Variants in HSF2BP observed in about 807,000 individuals in gnomAD.
HSF2BP encodes heat shock factor 2-binding protein.
In HSF2BP, 35 loss-of-function variants were observed where a neutral mutation model predicts 35.0. The observed-to-expected ratio is 1.00, with a 90% CI of 0.76 to 1.32. The LOEUF is 1.32. Among genes scored for constraint, HSF2BP ranks in the 40% most tolerant of loss-of-function variants. HSF2BP has a pLI of 0.00. For missense variants in HSF2BP, 326 were observed against 321.7 expected (o/e 1.01, Z -0.10); for synonymous variants, 114 against 117.4 (o/e 0.97, Z 0.18).
chr21:43,583,809 G>A (rs2081803268), intron 8 of HSF2BP, among the ~76,000 whole-genome samples: 2 of 140,880 alleles, frequency 1.4e-5, no homozygotes, highest in Admixed American at 1.4e-4. Flanking sequence ...CCTGCTGAGA[G>A]AGATGAAGGG....
At chr21:43,585,550 CAG>C (rs1158815993) in intron 8 of HSF2BP, among the ~76,000 whole-genome samples, 1 of 151,442 alleles carries the variant, frequency 6.6e-6, no homozygotes, top group Admixed American at 6.6e-5. Flanking sequence ...GAGGCTGAGA[CAG>C]GGGAATCGCT....
chr21:43,600,287 G>A (rs892663522), intron 7 of HSF2BP, among the ~76,000 whole-genome samples: 1 of 151,994 alleles, frequency 6.6e-6, no homozygotes, highest in African/African-American at 2.4e-5. Context: ...GAATAAACAC[G>A]CCCAGTACTT....
At chr21:43,652,803 G>A (rs1237288234) in intron 3 of HSF2BP, among the ~76,000 whole-genome samples, 2 of 152,130 alleles carry the variant, frequency 1.3e-5, no homozygotes, top group Non-Finnish European at 2.9e-5. Context: ...GTTTCCTGGA[G>A]CACATGTGAG....
rs899460385 is a variant in HSF2BP at position 43,658,103 on chromosome 21, T to C, written c.-7A>G. The C allele has an allele frequency of 4.6e-6, 7 of 1,533,920 alleles. No homozygotes were observed. In the African/African-American group the frequency reaches 8.2e-5, roughly 18 times the overall value. ...CGGCGCCCGCTTCGCCCATGGCCGC[T>C]GCCGCCTCCGCTCCGTTCGCCTGAG... On this transcript the variant is annotated 5_prime_UTR_variant, in exon 2 of 9. Transcript: ENST00000291560.
At chr21:43,467,654 C>T in the HSF2BP span, among the ~76,000 whole-genome samples, 1 of 151,556 alleles carries the variant, frequency 6.6e-6, no homozygotes, top group Non-Finnish European at 1.5e-5. Flanking sequence ...AGCCCTTCCG[C>T]AAGGATGGGG....
intron 8 of HSF2BP, among the ~76,000 whole-genome samples, chr21:43,583,417 C>T (rs2081791041): frequency 1.7e-5 from 1 of 57,276 alleles, no homozygotes; most frequent in Non-Finnish European, 3.3e-5. Flanking sequence ...GAAGGGCCTG[C>T]TGAGGGAGAT....
chr21:43,581,822 C>CTGA (rs1555855484), intron 8 of HSF2BP, among the ~76,000 whole-genome samples: 1 of 133,200 alleles, frequency 7.5e-6, no homozygotes, highest in Non-Finnish European at 1.6e-5. Flanking sequence ...GTCTGTGCTG[C>CTGA]GGGAGATGAG....
At position 43,588,991 on chromosome 21, in the gene HSF2BP, TACAG is replaced by T. The variant is rs2081892863; in HGVS notation, c.796+3230_796+3233del. 2.6e-5 allele frequency among the ~76,000 whole-genome samples: 4 copies of T among 152,282 alleles called. No homozygotes were observed. In the South Asian group the frequency reaches 8.3e-4, roughly 32 times the overall value. ...CTAACAAGCTAGCATGCTAGAGTCTTACAGACACTGGCAGAAGACACAAACTCTT... is the reference window on the plus strand; with the variant it reads ...CTAACAAGCTAGCATGCTAGAGTCTTACACTGGCAGAAGACACAAACTCTT... On this transcript the variant is annotated intron_variant, in intron 8 of 8. Transcript: ENST00000291560.
chr21:43,592,248 G>C lies in HSF2BP; in HGVS notation c.773C>G (p.Pro258Arg). 1 of 1,613,500 alleles carries C rather than the reference G, an allele frequency of 6.2e-7. No homozygotes were observed. The highest frequency in any genetic ancestry group is 8.5e-7 in the Non-Finnish European group (1 of 1,179,506). The change falls in exon 8 of 9, where the codon CCT (proline) becomes CGT (arginine). Residue 258 changes from proline (P) to arginine (R), a missense_variant. By Grantham distance (103) the Pro-to-Arg change is moderately radical. Transcript: ENST00000291560. ...ACCACTCAAAAGCCACCACAGCAAA[G>C]GGATGAATCCTGGACTCTCGCTGAT... ...KYISESPGFI[P>R]LLWWLLSDPD...
intron 3 of HSF2BP, among the ~76,000 whole-genome samples, chr21:43,655,694 C>A (rs937981446): frequency 1.6e-4 from 25 of 152,162 alleles, no homozygotes; most frequent in Non-Finnish European, 3.2e-4. Context: ...CAGGAGAGCC[C>A]CATCTGTAGG....
chr21:43,613,855 G>C lies in HSF2BP; in HGVS notation c.667C>G (p.Pro223Ala), dbSNP rs1484011846. ...TILQLLGDLK[P>A]GQCTKLKVLM... is the part of the protein sequence containing the mutation. ...ACTTTGAGTTTGGTACACTGTCCTG[G>C]CTTCAAGTCTCCCAGAAGCTGCAAT... Residue 223 changes from proline (P) to alanine (A), a missense_variant, in exon 7 of 9, where the codon CCA (proline) becomes GCA (alanine). Transcript: ENST00000291560. 1.9e-6 allele frequency: 3 copies of C among 1,613,206 alleles called. No individual in the cohort carries two copies. Among genetic ancestry groups the C allele is most frequent in the African/African-American group, 1.3e-5 (1 of 74,850 alleles).
Position 43,633,261 on chromosome 21 carries a change from A to G in HSF2BP, c.441+11T>C, listed in dbSNP as rs1430340410. On this transcript the variant is annotated intron_variant, in intron 5 of 8. Transcript: ENST00000291560. ...TCAACAATATCTGGAGAGCCCACTG[A>G]CCATACTTACTCCTCCCAAAATGGC... is the stretch of plus-strand genomic sequence containing the variant. The G allele has an allele frequency of 6.2e-7, 1 of 1,608,864 alleles. No individual in the cohort carries two copies. The highest frequency in any genetic ancestry group is 8.5e-7 in the Non-Finnish European group (1 of 1,178,546).
chr21:43,658,148 C>G lies in HSF2BP; in HGVS notation c.-52G>C. The G allele has an allele frequency of 4.7e-6, 7 of 1,483,572 alleles. No homozygotes were observed. The highest frequency in any genetic ancestry group is 6.3e-6 in the Non-Finnish European group (7 of 1,119,420). The allele number at this position is 1,483,572 out of a possible 1,614,324, so 91.9% of individuals were successfully genotyped here. A position where few individuals can be genotyped will look rare whatever the true frequency, so the allele number is the denominator to read the frequency against. On this transcript the variant is annotated 5_prime_UTR_variant, in exon 2 of 9. Coordinates refer to ENST00000291560, the MANE Select transcript of HSF2BP (RefSeq NM_007031.2). ...CCTGAGCGTCGGCGCGCCCTCTGAC[C>G]CCTCACGCCAGAAAGCGCGGGAACG...
At chr21:43,601,739 T>C (rs1037522858) in intron 7 of HSF2BP, among the ~76,000 whole-genome samples, 5 of 152,216 alleles carry the variant, frequency 3.3e-5, no homozygotes, top group Non-Finnish European at 5.9e-5. Flanking sequence ...GACTTCCAGA[T>C]ATTGACTTTT....
chr21:43,654,329 T>C (rs1295191678), intron 3 of HSF2BP, among the ~76,000 whole-genome samples: 2 of 152,244 alleles, frequency 1.3e-5, no homozygotes, highest in African/African-American at 2.4e-5. Flanking sequence ...TTCCAGCTAC[T>C]GCAGAGCTTC....
intron 6 of HSF2BP, among the ~76,000 whole-genome samples, chr21:43,618,641 T>C (rs1392429854): frequency 6.6e-6 from 1 of 152,056 alleles, no homozygotes; most frequent in Non-Finnish European, 1.5e-5. Context: ...GATCTGAATA[T>C]AAGAATTAAA....
At position 43,604,015 on chromosome 21, in the gene HSF2BP, G is replaced by A. The variant is rs114280438; in HGVS notation, c.692+9815C>T. ...CACCATGAGCCAGCTCTGCATTCTGGGAAAATGCAACATGTCATGGTAAAC... is the reference window on the plus strand; with the variant it reads ...CACCATGAGCCAGCTCTGCATTCTGAGAAAATGCAACATGTCATGGTAAAC... On this transcript the variant is annotated intron_variant, in intron 7 of 8. Transcript: ENST00000291560. Among the ~76,000 whole-genome samples, 756 of 152,224 alleles carry A rather than the reference G, an allele frequency of 5.0e-3. 10 individuals carry two copies. Among genetic ancestry groups the A allele is most frequent in the African/African-American group, 0.017 (722 of 41,494 alleles).
At chr21:43,603,935 A>T (rs1484686885) in intron 7 of HSF2BP, among the ~76,000 whole-genome samples, 3 of 152,140 alleles carry the variant, frequency 2.0e-5, no homozygotes, top group African/African-American at 4.8e-5. Context: ...ATCCAGTCTG[A>T]TCCACCACTG....
chr21:43,626,558 C>T (rs2082391752), intron 6 of HSF2BP, among the ~76,000 whole-genome samples: 1 of 152,194 alleles, frequency 6.6e-6, no homozygotes, highest in Admixed American at 6.5e-5. Context: ...AATCTATAAA[C>T]AGTCAAATCA....
Sources: allele counts gnomAD v4.1 joint callset (sites outside exome capture counted in the v4.1 genomes callset), GRCh38; gene constraint gnomAD v4.1.1; transcripts MANE v1.5; gene names NCBI Gene and HGNC (gene_info 2026-07-23, HGNC 2026-07-21).